Variants in ERMP1 observed in about 807,000 individuals in gnomAD.
ERMP1 encodes Felix-ina.
A neutral mutation model predicts 92.0 loss-of-function variants in ERMP1; 86 were observed. The observed-to-expected ratio is 0.93, with a 90% confidence interval of 0.79 to 1.12. The LOEUF (loss-of-function observed/expected upper bound fraction) is 1.12. Among genes scored for constraint, ERMP1 ranks in the 50% most tolerant of loss-of-function variants. The probability of loss-of-function intolerance (pLI) is 0.00; values close to 1 mark genes in which losing one functional copy is unlikely to be tolerated. For missense variants in ERMP1, 1,342 were observed against 1,116.3 expected, an observed-to-expected ratio of 1.20 and a Z score of -2.88; for synonymous variants, 530 against 412.8, an observed-to-expected ratio of 1.28 and a Z score of -3.44.
chr9:5,793,610 C>G (rs1376146481), intron 13 of ERMP1, among the ~76,000 whole-genome samples: 1 of 152,032 alleles, frequency 6.6e-6, no homozygotes, highest in African/African-American at 2.4e-5. Flanking sequence ...GAACATTATA[C>G]CATGCTAACA....
At chr9:5,841,296 C>T (rs749420352) in intron 6 of ERMP1, among the ~76,000 whole-genome samples, 3 of 152,180 alleles carry the variant, frequency 2.0e-5, no homozygotes, top group Non-Finnish European at 4.4e-5. Flanking sequence ...CTGATACGTA[C>T]TATAATGGGA....
At chr9:5,836,959 G>A (rs1830102559), upstream of ERMP1, among the ~76,000 whole-genome samples, 1 of 152,128 alleles carries the variant, frequency 6.6e-6, no homozygotes, top group East Asian at 1.9e-4. Context: ...CTGGTCCCCT[G>A]TGTTTTCTAC....
chr9:5,803,464 C>T (rs978838540), intron 10 of ERMP1, among the ~76,000 whole-genome samples: 1 of 152,178 alleles, frequency 6.6e-6, no homozygotes, highest in Non-Finnish European at 1.5e-5. Flanking sequence ...CCACAATGAA[C>T]ATCTCCAGGG....
At chr9:5,831,475 C>G (rs1299174318) in intron 1 of ERMP1, among the ~76,000 whole-genome samples, 6 of 152,042 alleles carry the variant, frequency 3.9e-5, no homozygotes, top group Non-Finnish European at 2.9e-5. Context: ...ATGTAGACTA[C>G]TATCCGCCTG....
rs761411655 is a variant in ERMP1, at chr9:5,847,914, A to G, written n.3199+11554T>C. Among the ~76,000 whole-genome samples the G allele has an allele frequency of 4.2e-5, 5 of 119,630 alleles. No individual in the cohort carries two copies. The South Asian group carries it at 1.2e-3, about 29-fold the overall frequency. The allele number at this position is 119,630 out of a possible 152,430, so 78.5% of individuals were successfully genotyped here. On this transcript the variant is annotated intron_variant and non_coding_transcript_variant, in intron 6 of 6. Transcript: ENST00000690753. ...CGTCTAAAAAAATAAAAAAGACAGG[A>G]AAAAAAAAAAAACCCAAATCAAAAA...
At chr9:5,813,073 G>A (rs564659689) in intron 4 of ERMP1, 38 bp from the exon 5 acceptor site, 32 of 1,587,330 alleles carry the variant, frequency 2.0e-5, no homozygotes, top group Admixed American at 1.1e-4. Context: ...AAGGTATTCC[G>A]GCAATTTTTT....
intron 4 of ERMP1, among the ~76,000 whole-genome samples, chr9:5,818,042 C>T (rs865891118): frequency 6.6e-5 from 10 of 151,476 alleles, no homozygotes; most frequent in African/African-American, 2.4e-4. Flanking sequence ...GTGGATCTAT[C>T]GATTTTGGTG....
intron 4 of ERMP1, among the ~76,000 whole-genome samples, chr9:5,819,219 G>C (rs1221789347): frequency 6.6e-6 from 1 of 152,076 alleles, no homozygotes; most frequent in Non-Finnish European, 1.5e-5. Context: ...TCCATACAAT[G>C]GGTTAGTCAG....
chr9:5,801,360 A>G, intron 10 of ERMP1, 32 bp from the exon 11 acceptor site: 2 of 1,593,382 alleles, frequency 1.3e-6, no homozygotes, highest in Non-Finnish European at 1.7e-6. Context: ...CAGAAATATT[A>G]CAAATTCATT....
chr9:5,798,296 A>G (rs1828528229), intron 12 of ERMP1, among the ~76,000 whole-genome samples: 1 of 151,908 alleles, frequency 6.6e-6, no homozygotes, highest in Admixed American at 6.6e-5. Context: ...GGCTCACCGC[A>G]ACCTCCACCT....
chr9:5,831,053 A>T (rs752844207), intron 1 of ERMP1, 25 bp from the exon 2 acceptor site: 1 of 1,588,108 alleles, frequency 6.3e-7, no homozygotes, highest in Non-Finnish European at 8.6e-7. Flanking sequence ...AAGAATAACA[A>T]AGGTTTGTAG....
intron 2 of ERMP1, among the ~76,000 whole-genome samples, chr9:5,827,675 C>G (rs992514529): frequency 3.3e-5 from 5 of 151,648 alleles, no homozygotes; most frequent in African/African-American, 1.2e-4. Context: ...TCCTGGCTAA[C>G]ACAGTGAAAC....
chr9:5,810,399 G>A (rs1036392776), intron 7 of ERMP1, among the ~76,000 whole-genome samples, 168 bp from the exon 8 acceptor site: 2 of 152,034 alleles, frequency 1.3e-5, no homozygotes, highest in African/African-American at 4.8e-5. Context: ...GAACAAGGGA[G>A]GTATCAAATA....
intron 10 of ERMP1, among the ~76,000 whole-genome samples, chr9:5,803,864 T>C (rs2797513): frequency 0.33 from 50,325 of 151,946 alleles, 8,647 homozygotes; most frequent in East Asian, 0.58. Context: ...AGTAAAATGG[T>C]TGGAAGGCTC....
chr9:5,792,752 C>G (rs1828251073), intron 13 of ERMP1, among the ~76,000 whole-genome samples: 3 of 152,136 alleles, frequency 2.0e-5, no homozygotes, highest in Non-Finnish European at 2.9e-5. Context: ...ATCTGCACTA[C>G]CATGAAGCAG....
At chr9:5,821,874 C>T (rs1161982408) in intron 4 of ERMP1, among the ~76,000 whole-genome samples, 1 of 152,192 alleles carries the variant, frequency 6.6e-6, no homozygotes, top group African/African-American at 2.4e-5. Flanking sequence ...ACTGAGTGTC[C>T]TCTCTCCTTC....
chr9:5,805,547 TC>T (rs1172098603), intron 9 of ERMP1, 63 bp downstream of exon 9: 2 of 1,385,294 alleles, frequency 1.4e-6, no homozygotes, highest in Admixed American at 5.4e-5. Context: ...AAAGAAAGAG[TC>T]CCTGAAAGCC....
chr9:5,798,984 A>G lies in ERMP1; in HGVS notation c.2092T>C (p.Leu698=), dbSNP rs530504237. ...LQHMTRTFHD[L]EGNAVKRDSG... is the part of the protein sequence containing the mutation. ...TCCCGTTTAACTGCATTTCCTTCCA[A>G]GTCATGGAATGTTCTAGTCATATGC... The change falls in exon 12 of 15, where the codon TTG becomes CTG. Residue 698 remains leucine (L), a synonymous_variant. Transcript: ENST00000339450. The G allele has an allele frequency of 1.8e-5, 29 of 1,613,632 alleles. No homozygotes were observed. The African/African-American group carries it at 2.8e-4, about 16-fold the overall frequency.
Position 5,805,799 on chromosome 9 carries a change from A to G in ERMP1, c.1549-14T>C, listed in dbSNP as rs1343074934. 6.3e-7 allele frequency: 1 copy of G among 1,584,858 alleles called. No individual in the cohort carries two copies. The highest frequency in any genetic ancestry group is 1.2e-5 in the South Asian group (1 of 86,016). Reference sequence around the variant, plus strand: ...GGCACTGGCATTCTGAAAGAAAGAAAAATATACAAGTAGTCTCATTCAGGG... The same window carrying G: ...GGCACTGGCATTCTGAAAGAAAGAAGAATATACAAGTAGTCTCATTCAGGG... On this transcript the variant is annotated splice_polypyrimidine_tract_variant and intron_variant, in intron 8 of 14. Transcript: ENST00000339450.
Sources: gnomAD v4.1 joint callset for allele counts (sites outside exome capture counted in the v4.1 genomes callset) on GRCh38, gnomAD v4.1.1 for gene constraint, MANE v1.5 for transcripts, NCBI Gene and HGNC (gene_info 2026-07-23, HGNC 2026-07-21) for gene names.